The following NEK10 variants were observed in gnomAD, a reference collection of about 807,000 sequenced individuals.
NEK10 encodes serine/threonine-protein kinase Nek10.
In NEK10, 122 loss-of-function variants were observed where a neutral mutation model predicts 159.8. The ratio of observed to expected loss-of-function variants is 0.76; its 90% CI spans 0.66 to 0.89. The LOEUF is 0.89. Ranked by LOEUF, NEK10 falls within the 40% of genes least tolerant of loss-of-function variation. NEK10 has a pLI of 0.00. For synonymous variants in NEK10, 466 were observed against 457.1 expected, an observed-to-expected ratio of 1.02 and a Z score of -0.25; for missense variants, 1,342 against 1,323.1, an observed-to-expected ratio of 1.01 and a Z score of -0.22.
At chr3:27,300,347 G>A (rs775479868) in intron 13 of NEK10, among the ~76,000 whole-genome samples, 3 of 152,094 alleles carry the variant, frequency 2.0e-5, no homozygotes, top group Non-Finnish European at 2.9e-5. Context: ...ATCCACGTAA[G>A]ATGTGACTTG....
At chr3:27,178,315 T>G (rs1947733409) in intron 26 of NEK10, among the ~76,000 whole-genome samples, 1 of 152,196 alleles carries the variant, frequency 6.6e-6, no homozygotes. Context: ...TTAAAATCAG[T>G]GCAATTTTTA....
intron 1 of NEK10, among the ~76,000 whole-genome samples, chr3:27,355,256 C>T (rs1448687166): frequency 1.3e-5 from 2 of 152,160 alleles, no homozygotes; most frequent in Non-Finnish European, 2.9e-5. Flanking sequence ...CCTTCTCTAT[C>T]TGCCCCCTCT....
intron 26 of NEK10, among the ~76,000 whole-genome samples, chr3:27,182,944 G>A (rs1948266678): frequency 6.6e-6 from 1 of 151,696 alleles, no homozygotes; most frequent in African/African-American, 2.4e-5. Flanking sequence ...GGAGAGGGGG[G>A]ATAAAAAAGG....
rs74525714 is a variant in NEK10 at position 27,348,857 on chromosome 3, T to C, written c.133-2641A>G. ...CACAGAGCTGGGCATATTGTAGGTA[T>C]TCAAATGTGAAGCTGTGGAACAAAT... is the stretch of plus-strand genomic sequence containing the variant. On this transcript the variant is annotated intron_variant, in intron 3 of 35. Coordinates refer to ENST00000691995, the MANE Select transcript of NEK10 (RefSeq NM_001394966.1). Among the ~76,000 whole-genome samples the C allele has an allele frequency of 4.4e-3, 668 of 152,318 alleles. 4 individuals are homozygous for C. The highest frequency in any genetic ancestry group is 5.9e-3 in the Non-Finnish European group (398 of 68,026).
chr3:27,242,833 A>G (rs1296970903), intron 23 of NEK10, among the ~76,000 whole-genome samples: 1 of 152,202 alleles, frequency 6.6e-6, no homozygotes, highest in Non-Finnish European at 1.5e-5. Flanking sequence ...AAATTGACCA[A>G]TATATGTAAA....
chr3:27,296,732 T>G (rs2043381635), intron 14 of NEK10, among the ~76,000 whole-genome samples: 1 of 152,128 alleles, frequency 6.6e-6, no homozygotes, highest in Non-Finnish European at 1.5e-5. Flanking sequence ...ATATAGTAGA[T>G]TAATTAGTGG....
intron 3 of NEK10, among the ~76,000 whole-genome samples, chr3:27,350,656 G>A (rs890606753): frequency 5.3e-5 from 8 of 152,078 alleles, no homozygotes; most frequent in Middle Eastern, 3.4e-3. Context: ...AAAAATATAT[G>A]CCATGTAAAG....
intron 26 of NEK10, among the ~76,000 whole-genome samples, chr3:27,185,703 T>C (rs1948551431): frequency 1.3e-5 from 2 of 152,180 alleles, no homozygotes; most frequent in South Asian, 4.1e-4. Flanking sequence ...TGTCAATGTA[T>C]ATGACATATC....
chr3:27,310,928 A>T, intron 9 of NEK10, 21 bp downstream of exon 9: 3 of 1,511,724 alleles, frequency 2.0e-6, no homozygotes, highest in Non-Finnish European at 2.8e-6. Context: ...TGAAGCATTA[A>T]CTCTTTCAGG....
chr3:27,178,132 C>T (rs1437280277), intron 26 of NEK10, among the ~76,000 whole-genome samples: 2 of 152,116 alleles, frequency 1.3e-5, no homozygotes, highest in African/African-American at 4.8e-5. Flanking sequence ...TTCCTGTCAC[C>T]ACGCTAGTAT....
At chr3:27,303,621 A>G (rs768020063) in intron 12 of NEK10, among the ~76,000 whole-genome samples, 4 of 152,216 alleles carry the variant, frequency 2.6e-5, no homozygotes, top group African/African-American at 4.8e-5. Flanking sequence ...TGGGTTGTCA[A>G]CAGTCTATAA....
chr3:27,339,727 C>A (rs1432522638), intron 5 of NEK10, among the ~76,000 whole-genome samples: 1 of 148,536 alleles, frequency 6.7e-6, no homozygotes, highest in Non-Finnish European at 1.5e-5. Flanking sequence ...TGCAGTGAGC[C>A]GAGATCGGGC....
intron 23 of NEK10, among the ~76,000 whole-genome samples, chr3:27,243,519 T>C (rs1218689457): frequency 1.3e-5 from 2 of 152,208 alleles, no homozygotes; most frequent in Admixed American, 6.5e-5. Flanking sequence ...TTTTCTCTTC[T>C]TTCCTTTTGA....
chr3:27,228,147 T>C (rs942875457), intron 23 of NEK10, among the ~76,000 whole-genome samples: 3 of 152,236 alleles, frequency 2.0e-5, no homozygotes, highest in Non-Finnish European at 4.4e-5. Context: ...AAAAACTTTC[T>C]GTCCTTTCCT....
At chr3:27,136,381 G>C (rs1415954599) in intron 31 of NEK10, among the ~76,000 whole-genome samples, 30 of 151,808 alleles carry the variant, frequency 2.0e-4, no homozygotes, top group Admixed American at 1.9e-3. Context: ...CAAAGTTCTG[G>C]GATTACAGGC....
chr3:27,188,387 G>A lies in NEK10; in HGVS notation c.2505+3642C>T, dbSNP rs548072818. 1.8e-4 allele frequency among the ~76,000 whole-genome samples: 27 copies of A among 152,228 alleles called. No homozygotes were observed. In the South Asian group the frequency reaches 5.4e-3, roughly 30 times the overall value. On this transcript the variant is annotated intron_variant, in intron 26 of 35. Transcript: ENST00000691995. ...TTTTTTATAAGCTTCACTATACCAAGCATAATGCCTTACATTCAGAAGACA... is the reference window on the plus strand; with the variant it reads ...TTTTTTATAAGCTTCACTATACCAAACATAATGCCTTACATTCAGAAGACA...
chr3:27,141,348 T>A, intron 31 of NEK10, 134 bp downstream of exon 31: 1 of 556,718 alleles, frequency 1.8e-6, no homozygotes, highest in Non-Finnish European at 3.1e-6. Flanking sequence ...TAAACTAAAG[T>A]GTCCCCACAT....
intron 23 of NEK10, among the ~76,000 whole-genome samples, chr3:27,227,536 G>A (rs1047845290): frequency 5.3e-5 from 8 of 152,026 alleles, no homozygotes; most frequent in Admixed American, 1.3e-4. Flanking sequence ...CCCATTTCAC[G>A]GACCTCCTGC....
chr3:27,289,015 G>A (rs2042812791), intron 19 of NEK10, among the ~76,000 whole-genome samples: 1 of 152,168 alleles, frequency 6.6e-6, no homozygotes, highest in African/African-American at 2.4e-5. Context: ...GGAAGCATGT[G>A]TGCTTCCTGT....
Sources: gnomAD v4.1 joint callset for allele counts (sites outside exome capture counted in the v4.1 genomes callset) on GRCh38, gnomAD v4.1.1 for gene constraint, MANE v1.5 for transcripts, NCBI Gene and HGNC (gene_info 2026-07-23, HGNC 2026-07-21) for gene names.